ZNF679: variants seen among roughly 807,000 people sequenced by gnomAD.
The protein encoded by ZNF679 is zinc finger protein 679.
Under a neutral mutation model 13.4 loss-of-function variants are expected in ZNF679, and 10 were observed. The ratio of observed to expected loss-of-function variants is 0.75; its 90% confidence interval spans 0.46 to 1.27. The LOEUF is 1.27. Among genes scored for constraint, ZNF679 ranks in the 50% most tolerant of loss-of-function variants. The probability of loss-of-function intolerance (pLI) is 0.00; values close to 1 mark genes in which losing one functional copy is unlikely to be tolerated. For synonymous variants in ZNF679, 179 were observed against 162.5 expected (o/e 1.10, Z -0.77); for missense variants, 525 against 477.8 (o/e 1.10, Z -0.92).
At chr7:64,261,044 G>A in intron 4 of ZNF679, 115 bp downstream of exon 4, 3 of 1,069,992 alleles carry the variant, frequency 2.8e-6, no homozygotes, top group Non-Finnish European at 4.0e-6. Context: ...GAGTTTCTAA[G>A]AAGCCCGAGT....
In ZNF679 at chr7:64,266,289, A is replaced by C; in HGVS notation, c.656A>C (p.Lys219Thr). Residue 219 changes from lysine (K) to threonine (T), a missense_variant, in exon 5 of 5, where the codon AAA becomes ACA. Coordinates refer to ENST00000421025, the MANE Select transcript of ZNF679 (RefSeq NM_153363.3). ...TCCTACCAATGTGAAGAATGCGGCA[A>C]ACCCTTCAACTGCTCTTCAACCCTT... ...ENSYQCEECG[K>T]PFNCSSTLSK... 6.2e-7 allele frequency: 1 copy of C among 1,603,356 alleles called. No individual in the cohort carries two copies. The highest frequency in any genetic ancestry group is 8.5e-7 in the Non-Finnish European group (1 of 1,174,480).
chr7:64,237,121 T>G (rs4489200), intron 1 of ZNF679, among the ~76,000 whole-genome samples: 1 of 152,118 alleles, frequency 6.6e-6, no homozygotes. Context: ...AATGTGTGCA[T>G]GCAGGCAGAT....
Position 64,266,858 on chromosome 7 carries a change from A to T in ZNF679, c.1225A>T (p.Lys409Ter). 1.3e-6 allele frequency: 2 copies of T among 1,569,516 alleles called. No individual in the cohort carries two copies. The highest frequency in any genetic ancestry group is 2.4e-5 in the East Asian group (1 of 42,436). ...KSMHTGEKPY[K>*]CE The stretch of plus-strand genomic sequence containing the variant: ...TATGCATACTGGAGAGAAACCCTAC[A>T]AATGTGAATAATGTGATAAAGTCCA... The change falls in exon 5 of 5, where the codon AAA becomes TAA. Residue 409 changes from lysine (K) to a stop codon, truncating the protein, a stop_gained. Coordinates refer to ENST00000421025, the MANE Select transcript of ZNF679 (RefSeq NM_153363.3). LOFTEE classifies it high-confidence loss of function.
At chr7:64,261,209 A>T (rs1374894019) in intron 4 of ZNF679, among the ~76,000 whole-genome samples, 2 of 152,084 alleles carry the variant, frequency 1.3e-5, no homozygotes, top group Admixed American at 6.6e-5. Flanking sequence ...CTGCTTTACC[A>T]TTGTTTTGGG....
At chr7:64,254,542 A>C (rs1485764437) in intron 2 of ZNF679, among the ~76,000 whole-genome samples, 1 of 152,012 alleles carries the variant, frequency 6.6e-6, no homozygotes, top group Non-Finnish European at 1.5e-5. Context: ...TTTATAGTAA[A>C]CTGGCTAACA....
chr7:64,241,051 T>C (rs1191848043), intron 1 of ZNF679, among the ~76,000 whole-genome samples: 3 of 152,162 alleles, frequency 2.0e-5, no homozygotes, highest in African/African-American at 7.2e-5. Context: ...GTGGGTTCTG[T>C]TAATGTGGAA....
intron 2 of ZNF679, among the ~76,000 whole-genome samples, chr7:64,259,375 C>G (rs529920766): frequency 6.6e-6 from 1 of 152,158 alleles, no homozygotes; most frequent in South Asian, 2.1e-4. Flanking sequence ...ACACAGTTGT[C>G]TTTGGATATT....
chr7:64,230,315 T>C (rs886652969), intron 1 of ZNF679, among the ~76,000 whole-genome samples: 1 of 151,158 alleles, frequency 6.6e-6, no homozygotes, highest in East Asian at 2.0e-4. Context: ...GGGTGGATCA[T>C]GAGGTCAGGA....
intron 2 of ZNF679, among the ~76,000 whole-genome samples, chr7:64,256,829 G>A (rs1225808791): frequency 1.3e-5 from 2 of 151,664 alleles, no homozygotes; most frequent in African/African-American, 2.4e-5. Flanking sequence ...TCCTGAGTAG[G>A]TGGGATTGCA....
intron 2 of ZNF679, among the ~76,000 whole-genome samples, chr7:64,252,235 CTG>C (rs1413344130): frequency 6.6e-6 from 1 of 152,144 alleles, no homozygotes; most frequent in East Asian, 1.9e-4. Flanking sequence ...TCAGACGTGT[CTG>C]TGTTCCAATC....
Position 64,266,915 on chromosome 7 carries a change from T to C in ZNF679, c.*46T>C, listed in dbSNP as rs1788163636. On this transcript the variant is annotated 3_prime_UTR_variant, in exon 5 of 5. Coordinates refer to ENST00000421025, the MANE Select transcript of ZNF679 (RefSeq NM_153363.3). ...AGACCTTATAATACATAAAATAATT[T>C]ATACTTGAAAAAATCACTACAAGTG... 6.9e-7 allele frequency: 1 copy of C among 1,458,706 alleles called. No individual in the cohort carries two copies. The highest frequency in any genetic ancestry group is 1.5e-5 in the South Asian group (1 of 66,934). The allele number at this position is 1,458,706 out of a possible 1,614,324, so 90.4% of individuals were successfully genotyped here. A position where few individuals can be genotyped will look rare whatever the true frequency, so the allele number is the denominator to read the frequency against.
At chr7:64,232,443 A>G (rs1370535944) in intron 1 of ZNF679, among the ~76,000 whole-genome samples, 1 of 152,218 alleles carries the variant, frequency 6.6e-6, no homozygotes, top group Non-Finnish European at 1.5e-5. Flanking sequence ...GGCTGGGTCC[A>G]TCTATGACAG....
rs1367859115 is a variant in ZNF679, at chr7:64,266,660, A to T, written c.1027A>T (p.Lys343Ter). ...FNCSSTLKKH[K>*]IIHTGEKPYK... Reference sequence around the variant, plus strand: ...CTGCTCCTCAACCCTTAAGAAACATAAGATAATTCATACTGGAGAGAAACC... The same window carrying T: ...CTGCTCCTCAACCCTTAAGAAACATTAGATAATTCATACTGGAGAGAAACC... Residue 343 changes from lysine (K) to a stop codon, truncating the protein, a stop_gained, in exon 5 of 5, where the codon AAG becomes TAG. Transcript: ENST00000421025. LOFTEE classifies it low-confidence loss of function (END_TRUNC). 2 of 1,613,776 alleles carry T rather than the reference A, an allele frequency of 1.2e-6. No individual in the cohort carries two copies.
Position 64,236,906 on chromosome 7 carries a change from AAAAGAAAG to A in ZNF679, c.-91+8265_-91+8272del, listed in dbSNP as rs1178476756. On this transcript the variant is annotated intron_variant, in intron 1 of 4. Transcript: ENST00000421025. Reference sequence around the variant, plus strand: ...AAAGAAAGAAAAAAAGAAAAAGAAAAAAAGAAAGAAAGAAAGAAGAAAGAAAGAAAGAA... The same window carrying A: ...AAAGAAAGAAAAAAAGAAAAAGAAAAAAAGAAAGAAGAAAGAAAGAAAGAA... Among the ~76,000 whole-genome samples the A allele has an allele frequency of 4.6e-5, 6 of 129,684 alleles. No individual in the cohort carries two copies. The East Asian group carries it at 8.6e-4, about 19-fold the overall frequency. 85.1% of individuals were successfully genotyped at this position (129,684 alleles called of 152,430 possible).
At chr7:64,254,262 T>A (rs1297230435) in intron 2 of ZNF679, among the ~76,000 whole-genome samples, 2 of 151,946 alleles carry the variant, frequency 1.3e-5, no homozygotes, top group Non-Finnish European at 1.5e-5. Context: ...GTAGCTAGGA[T>A]TACAGGCCCA....
intron 1 of ZNF679, among the ~76,000 whole-genome samples, chr7:64,235,949 C>G (rs2116509970): frequency 6.6e-6 from 1 of 152,122 alleles, no homozygotes; most frequent in South Asian, 2.1e-4. Context: ...TAAAATGTAT[C>G]TAAATAAAAA....
intron 1 of ZNF679, among the ~76,000 whole-genome samples, chr7:64,243,101 T>C (rs750559353): frequency 6.6e-6 from 1 of 152,222 alleles, no homozygotes; most frequent in Non-Finnish European, 1.5e-5. Context: ...ACACTCTTTA[T>C]ATCACCCAAA....
intron 2 of ZNF679, among the ~76,000 whole-genome samples, chr7:64,255,616 A>AT (rs71060570): frequency 0.53 from 79,574 of 149,442 alleles, 21,174 homozygotes; most frequent in Non-Finnish European, 0.55. Context: ...GATTTTTTTT[A>AT]TTTTTTTTTT....
intron 1 of ZNF679, among the ~76,000 whole-genome samples, chr7:64,239,836 A>G (rs747445439): frequency 6.6e-6 from 1 of 152,164 alleles, no homozygotes; most frequent in Admixed American, 6.5e-5. Context: ...TGGCTTGTCA[A>G]CATGATGATG....
Sources: gnomAD v4.1 joint callset for allele counts (sites outside exome capture counted in the v4.1 genomes callset) on GRCh38, gnomAD v4.1.1 for gene constraint, MANE v1.5 for transcripts, NCBI Gene and HGNC (gene_info 2026-07-23, HGNC 2026-07-21) for gene names.